The following PEPD variants were observed in gnomAD, a reference collection of about 807,000 sequenced individuals.
PEPD encodes the protein xaa-Pro dipeptidase.
In PEPD, 53 loss-of-function variants were observed where a neutral mutation model predicts 60.7. The observed-to-expected ratio is 0.87, with a 90% CI of 0.70 to 1.10. The LOEUF (loss-of-function observed/expected upper bound fraction) is 1.10. PEPD is among the 50% of genes least tolerant of loss of function. The pLI is 0.00. For synonymous variants in PEPD, 267 were observed against 284.1 expected (o/e 0.94, Z 0.60); for missense variants, 711 against 711.9 (o/e 1.00, Z 0.01).
At position 33,493,464 on chromosome 19, in the gene PEPD, C is replaced by T. The variant is rs535326700; in HGVS notation, c.394-127G>A. On this transcript the variant is annotated intron_variant, in intron 4 of 14. Transcript: ENST00000244137. ...AGATCATTAGAACAGGCGACGTGGGCGCTGCCCTCACCCTGCAGGTGAAGA... is the reference window on the plus strand; with the variant it reads ...AGATCATTAGAACAGGCGACGTGGGTGCTGCCCTCACCCTGCAGGTGAAGA... 3.9e-3 allele frequency: 2,934 copies of T among 750,866 alleles called. 61 individuals are homozygous for T. Among genetic ancestry groups the T allele is most frequent in the South Asian group, 0.033 (2,255 of 68,000 alleles). The allele number at this position is 750,866 out of a possible 1,614,324, so 46.5% of individuals were successfully genotyped here.
At chr19:33,515,690 C>T (rs1003496424) in intron 1 of PEPD, among the ~76,000 whole-genome samples, 4 of 151,860 alleles carry the variant, frequency 2.6e-5, no homozygotes, top group African/African-American at 7.3e-5. Context: ...ACAGCCTCAG[C>T]CACAGTCGTC....
intron 9 of PEPD, among the ~76,000 whole-genome samples, chr19:33,449,596 C>T (rs559301224): frequency 1.3e-4 from 20 of 152,234 alleles, no homozygotes; most frequent in African/African-American, 4.3e-4. Context: ...CGCAAGTGGA[C>T]ATCATGAGAG....
chr19:33,460,978 G>T (rs1253456735), intron 9 of PEPD, among the ~76,000 whole-genome samples: 1 of 152,186 alleles, frequency 6.6e-6, no homozygotes, highest in Non-Finnish European at 1.5e-5. Context: ...CAGCAGCCAA[G>T]TACAACATGT....
chr19:33,511,508 G>A (rs145760517), intron 2 of PEPD: 6 of 354,658 alleles, frequency 1.7e-5, no homozygotes, highest in Middle Eastern at 9.7e-4. Context: ...CAGGCAAGAC[G>A]CCCCCCGGAT....
At chr19:33,388,408 G>C (rs973862124) in intron 13 of PEPD, 43 of 530,364 alleles carry the variant, frequency 8.1e-5, no homozygotes, top group Non-Finnish European at 1.5e-4. Flanking sequence ...GCTGCCCTTA[G>C]CCAGGCCCCG....
intron 9 of PEPD, among the ~76,000 whole-genome samples, chr19:33,416,957 C>A (rs987444776): frequency 6.6e-6 from 1 of 152,316 alleles, no homozygotes; most frequent in Non-Finnish European, 1.5e-5. Flanking sequence ...GAATGGGGTC[C>A]CCAGAGACGG....
intron 6 of PEPD, among the ~76,000 whole-genome samples, chr19:33,487,817 A>G (rs59339349): frequency 0.33 from 49,483 of 152,066 alleles, 8,841 homozygotes; most frequent in African/African-American, 0.47. Flanking sequence ...CTCTTGGCAG[A>G]GGCCACAGGG....
chr19:33,461,925 C>T (rs1969932846), intron 9 of PEPD, among the ~76,000 whole-genome samples: 1 of 152,238 alleles, frequency 6.6e-6, no homozygotes, highest in South Asian at 2.1e-4. Context: ...TTTTAACCTC[C>T]TCCTGGGCGG....
chr19:33,454,101 T>G (rs1969752237), intron 9 of PEPD, among the ~76,000 whole-genome samples: 1 of 152,066 alleles, frequency 6.6e-6, no homozygotes, highest in South Asian at 2.1e-4. Context: ...ACTCTGAGGT[T>G]GGAGCAGGGA....
At chr19:33,516,989 G>C (rs1050341104) in intron 1 of PEPD, among the ~76,000 whole-genome samples, 1 of 40,398 alleles carries the variant, frequency 2.5e-5, no homozygotes, top group African/African-American at 1.1e-4. Context: ...AGACCAGAAT[G>C]GGCAACATGG....
At chr19:33,518,782 T>C (rs1014162507) in intron 1 of PEPD, among the ~76,000 whole-genome samples, 9 of 152,120 alleles carry the variant, frequency 5.9e-5, no homozygotes, top group South Asian at 2.1e-4. Flanking sequence ...AGGAGAGGCA[T>C]GAAGGGAAGC....
At chr19:33,400,927 A>T (rs1333313795) in intron 12 of PEPD, among the ~76,000 whole-genome samples, 2 of 152,206 alleles carry the variant, frequency 1.3e-5, no homozygotes, top group Non-Finnish European at 2.9e-5. Flanking sequence ...GGATGGGGAC[A>T]GCGGGAGGTG....
intron 6 of PEPD, among the ~76,000 whole-genome samples, chr19:33,483,007 G>A (rs10420551): frequency 0.32 from 49,331 of 152,078 alleles, 8,758 homozygotes; most frequent in African/African-American, 0.47. Flanking sequence ...ATGGTCACGT[G>A]CTGGAAGTTT....
intron 10 of PEPD, 97 bp downstream of exon 10, chr19:33,413,478 G>A: frequency 2.7e-6 from 2 of 743,568 alleles, no homozygotes; most frequent in South Asian, 3.0e-5. Context: ...GAGTGAGCAA[G>A]TGTGGCTGAG....
At chr19:33,417,819 CAG>C (rs1284837870) in intron 9 of PEPD, among the ~76,000 whole-genome samples, 2 of 152,298 alleles carry the variant, frequency 1.3e-5, no homozygotes, top group African/African-American at 4.8e-5. Flanking sequence ...TAAAACCAAA[CAG>C]AATCTGCATA....
chr19:33,402,041 C>A (rs1042218306), intron 11 of PEPD, among the ~76,000 whole-genome samples, 172 bp from the exon 12 acceptor site: 1 of 152,104 alleles, frequency 6.6e-6, no homozygotes, highest in African/African-American at 2.4e-5. Flanking sequence ...CCCACGGGTG[C>A]GTGGGCAGCA....
At chr19:33,424,351 T>C (rs1413197280) in intron 9 of PEPD, among the ~76,000 whole-genome samples, 5 of 152,380 alleles carry the variant, frequency 3.3e-5, no homozygotes, top group East Asian at 1.9e-4. Context: ...TAGACCTGTG[T>C]TTGGCACCTT....
intron 9 of PEPD, among the ~76,000 whole-genome samples, chr19:33,434,543 G>A (rs992837168): frequency 1.3e-5 from 2 of 152,088 alleles, no homozygotes; most frequent in African/African-American, 4.8e-5. Context: ...CACCATCCCT[G>A]GCAGGGCAGG....
intron 9 of PEPD, among the ~76,000 whole-genome samples, chr19:33,419,579 C>T (rs1968967714): frequency 6.6e-6 from 1 of 152,148 alleles, no homozygotes; most frequent in Non-Finnish European, 1.5e-5. Context: ...ATGGTTTTGA[C>T]CCGGATGCCT....
Sources: gnomAD v4.1 joint callset for allele counts (sites outside exome capture counted in the v4.1 genomes callset) on GRCh38, gnomAD v4.1.1 for gene constraint, MANE v1.5 for transcripts, NCBI Gene and HGNC (gene_info 2026-07-23, HGNC 2026-07-21) for gene names.